The following FARP2 variants were observed in gnomAD, a reference collection of about 807,000 sequenced individuals.
FARP2 encodes FERM, ARH/RhoGEF and pleckstrin domain protein 2, also known as FERM, ARHGEF and pleckstrin domain-containing protein 2.
FARP2 carries 111 observed loss-of-function variants against 130.5 expected under a neutral mutation model. The observed-to-expected ratio is 0.85, with a 90% confidence interval of 0.73 to 1.00. The LOEUF (loss-of-function observed/expected upper bound fraction) is 1.00, where lower values mean the gene tolerates loss of function less well. FARP2 is among the 50% of genes least tolerant of loss of function. The pLI is 0.00. For synonymous variants in FARP2, 504 were observed against 516.9 expected (o/e 0.98, Z 0.34); for missense variants, 1,385 against 1,346.3 (o/e 1.03, Z -0.45).
At chr2:241,460,980 C>T (rs1363864437) in intron 14 of FARP2, among the ~76,000 whole-genome samples, 2 of 152,180 alleles carry the variant, frequency 1.3e-5, no homozygotes, top group African/African-American at 2.4e-5. Context: ...GGGCTCAGGA[C>T]TCACAGGATA....
chr2:241,452,975 T>C (rs2063705191), intron 13 of FARP2, among the ~76,000 whole-genome samples: 2 of 151,624 alleles, frequency 1.3e-5, no homozygotes, highest in African/African-American at 4.9e-5. Flanking sequence ...TAACGGTAAT[T>C]TGTGGTACTT....
intron 18 of FARP2, chr2:241,471,177 G>T (rs2124830302): frequency 6.6e-6 from 1 of 150,924 alleles, no homozygotes; most frequent in South Asian, 2.1e-4. Flanking sequence ...TTCTGAGGGG[G>T]ATGTTCTTCT....
At chr2:241,402,086 G>A (rs559270492) in intron 2 of FARP2, among the ~76,000 whole-genome samples, 7 of 152,158 alleles carry the variant, frequency 4.6e-5, no homozygotes, top group African/African-American at 7.2e-5. Context: ...CACCGTGCCC[G>A]GCCTATTTTA....
At chr2:241,393,236 T>G (rs1238678406) in intron 2 of FARP2, among the ~76,000 whole-genome samples, 1 of 152,006 alleles carries the variant, frequency 6.6e-6, no homozygotes, top group Non-Finnish European at 1.5e-5. Flanking sequence ...GTAAGGCTGG[T>G]CTCAAACTCC....
At chr2:241,381,744 C>T (rs575711006) in intron 2 of FARP2, among the ~76,000 whole-genome samples, 1 of 152,316 alleles carries the variant, frequency 6.6e-6, no homozygotes, top group Non-Finnish European at 1.5e-5. Context: ...TACTTTTTTA[C>T]CTTACCAAGT....
At chr2:241,463,304 C>T (rs774192961) in intron 15 of FARP2, 31 bp from the exon 16 acceptor site, 3 of 1,604,802 alleles carry the variant, frequency 1.9e-6, no homozygotes, top group Non-Finnish European at 8.5e-7. Context: ...ACAAGAGCCA[C>T]ACCTCCCATC....
At chr2:241,428,619 C>T (rs1444105853) in intron 8 of FARP2, among the ~76,000 whole-genome samples, 3 of 151,660 alleles carry the variant, frequency 2.0e-5, no homozygotes, top group Non-Finnish European at 4.4e-5. Flanking sequence ...GAACATCTAA[C>T]TCAGGATTTT....
At position 241,441,559 on chromosome 2, in the gene FARP2, G is replaced by C; in HGVS notation, c.1411+3G>C. 1 of 1,614,020 alleles carries C rather than the reference G, an allele frequency of 6.2e-7. No individual in the cohort carries two copies. The highest frequency in any genetic ancestry group is 8.5e-7 in the Non-Finnish European group (1 of 1,180,052). The stretch of plus-strand genomic sequence containing the variant: ...CCCCGCACTCCAGCCTGGTCCAGGT[G>C]TCGGGTTTTGTCATGTCGTGAGCAG... On this transcript the variant is annotated splice_donor_region_variant and intron_variant, in intron 13 of 26. Transcript: ENST00000264042.
intron 13 of FARP2, among the ~76,000 whole-genome samples, chr2:241,450,896 G>A (rs1426813491): frequency 6.6e-6 from 1 of 152,034 alleles, no homozygotes; most frequent in Admixed American, 6.6e-5. Context: ...AGGTTGTAGT[G>A]AGCTGAGATT....
intron 1 of FARP2, among the ~76,000 whole-genome samples, chr2:241,364,083 A>G (rs1385792615): frequency 1.3e-5 from 2 of 152,246 alleles, no homozygotes; most frequent in African/African-American, 4.8e-5. Context: ...GTACGAATCA[A>G]CTAGCCTGGA....
intron 13 of FARP2, chr2:241,446,601 A>T (rs561525599): frequency 6.6e-6 from 1 of 152,224 alleles, no homozygotes; most frequent in Non-Finnish European, 1.5e-5. Flanking sequence ...TTTGATGCCA[A>T]TACATATGTC....
At chr2:241,385,369 A>G (rs1255702258) in intron 2 of FARP2, among the ~76,000 whole-genome samples, 2 of 152,062 alleles carry the variant, frequency 1.3e-5, no homozygotes, top group Non-Finnish European at 2.9e-5. Flanking sequence ...ACCTTAGAAA[A>G]TTTTTTAATA....
intron 2 of FARP2, among the ~76,000 whole-genome samples, chr2:241,392,153 C>T (rs553476843): frequency 2.6e-5 from 4 of 152,344 alleles, no homozygotes; most frequent in Admixed American, 2.6e-4. Context: ...GGAAACTGCC[C>T]ACCAGTGGGA....
rs1278383130 is a variant in FARP2, at chr2:241,361,055, GCA to G, written c.-25+4672_-25+4673del. On this transcript the variant is annotated intron_variant, in intron 1 of 26. Transcript: ENST00000264042. ...AAAAAAAAAAAAACACACATCTTAG[GCA>G]CACAGAATTGTACTGCTATATTGAT... Among the ~76,000 whole-genome samples the G allele has an allele frequency of 4.6e-5, 7 of 151,130 alleles. No individual in the cohort carries two copies. In the South Asian group the frequency reaches 8.3e-4, roughly 18 times the overall value.
chr2:241,407,056 C>T (rs60890112), intron 4 of FARP2, among the ~76,000 whole-genome samples: 2 of 152,082 alleles, frequency 1.3e-5, no homozygotes, highest in East Asian at 1.9e-4. Context: ...GATCCGCCCC[C>T]CTCAGCCTCC....
intron 16 of FARP2, 150 bp from the exon 17 acceptor site, chr2:241,463,749 A>G: frequency 1.4e-6 from 1 of 725,620 alleles, no homozygotes; most frequent in Non-Finnish European, 2.3e-6. Context: ...GCTTCCATCC[A>G]GGGCAGGCCC....
At chr2:241,468,008 G>C in intron 17 of FARP2, 132 bp from the exon 18 acceptor site, 1 of 723,644 alleles carries the variant, frequency 1.4e-6, no homozygotes, top group South Asian at 1.6e-5. Flanking sequence ...CCCCGCTGGC[G>C]CACGCTGGGC....
In FARP2 at chr2:241,451,387, G is replaced by A. The variant is rs562739499; in HGVS notation, c.1412-5360G>A. Among the ~76,000 whole-genome samples the A allele has an allele frequency of 3.1e-4, 47 of 152,328 alleles. No homozygotes were observed. In the Middle Eastern group the frequency reaches 0.01, roughly 33 times the overall value. On this transcript the variant is annotated intron_variant, in intron 13 of 26. Coordinates refer to ENST00000264042, the MANE Select transcript of FARP2 (RefSeq NM_014808.4). ...CAGTTTGTGATCCATCCCAGCAAAA[G>A]TGCAGAGCTCAGTAAAACATAACTA...
intron 13 of FARP2, chr2:241,442,311 C>T: frequency 2.2e-6 from 1 of 456,740 alleles, no homozygotes; most frequent in South Asian, 1.5e-5. Context: ...TCTCTGACAT[C>T]ATCGACCAGT....
Sources: gnomAD v4.1 joint callset for allele counts (sites outside exome capture counted in the v4.1 genomes callset) on GRCh38, gnomAD v4.1.1 for gene constraint, MANE v1.5 for transcripts, NCBI Gene and HGNC (gene_info 2026-07-23, HGNC 2026-07-21) for gene names.